KIAA0513: variants seen among roughly 807,000 people sequenced by gnomAD.
The protein encoded by KIAA0513 is KIAA0513.
In KIAA0513, 39 loss-of-function variants were observed where a neutral mutation model predicts 56.5. That is an observed-to-expected ratio of 0.69 (90% CI 0.53 to 0.90). KIAA0513 has a LOEUF of 0.90. KIAA0513 is among the 40% of genes least tolerant of loss of function. The pLI is 0.00. For synonymous variants in KIAA0513, 268 were observed against 215.6 expected (o/e 1.24, Z -2.13); for missense variants, 591 against 535.2 (o/e 1.10, Z -1.03).
intron 4 of KIAA0513, among the ~76,000 whole-genome samples, chr16:85,074,749 A>T (rs1283534422): frequency 2.0e-5 from 3 of 152,216 alleles, no homozygotes; most frequent in African/African-American, 7.2e-5. Flanking sequence ...CAGGCCCTCC[A>T]GATTGCCTTT....
chr16:85,047,498 G>A (rs747039400), intron 1 of KIAA0513, among the ~76,000 whole-genome samples: 6 of 152,132 alleles, frequency 3.9e-5, no homozygotes, highest in African/African-American at 7.2e-5. Flanking sequence ...AAGAGGACAC[G>A]GAGAAAAAAA....
intron 1 of KIAA0513, among the ~76,000 whole-genome samples, chr16:85,060,567 G>C (rs973557245): frequency 6.6e-6 from 1 of 152,184 alleles, no homozygotes; most frequent in Non-Finnish European, 1.5e-5. Flanking sequence ...GGCCAGGCAC[G>C]GCGGCTCACG....
chr16:85,035,753 C>T (rs1332581603), intron 1 of KIAA0513, among the ~76,000 whole-genome samples: 3 of 151,996 alleles, frequency 2.0e-5, no homozygotes, highest in Admixed American at 6.5e-5. Flanking sequence ...CTGAGGCGGG[C>T]GGATCATGAG....
chr16:85,042,205 C>G (rs991416963), intron 1 of KIAA0513, among the ~76,000 whole-genome samples: 2 of 152,210 alleles, frequency 1.3e-5, no homozygotes, highest in Non-Finnish European at 2.9e-5. Flanking sequence ...GTGAAAAGTG[C>G]TAAGCCCTCC....
In KIAA0513 at chr16:85,088,269, C is replaced by T. The variant is rs987862827; in HGVS notation, c.1187-7C>T. 2 of 1,612,180 alleles carry T rather than the reference C, an allele frequency of 1.2e-6. No individual in the cohort carries two copies. Among genetic ancestry groups the T allele is most frequent in the Non-Finnish European group, 1.7e-6 (2 of 1,179,468 alleles). ...CATCTGAGAAATAACATCACTTTCT[C>T]TTCCAGAGCAATACAAGCTGCTTAG... On this transcript the variant is annotated splice_polypyrimidine_tract_variant and splice_region_variant and intron_variant, in intron 12 of 12. Coordinates refer to ENST00000683363, the MANE Select transcript of KIAA0513 (RefSeq NM_001388359.1).
chr16:85,033,153 T>C (rs2072989331), intron 1 of KIAA0513, among the ~76,000 whole-genome samples: 1 of 152,184 alleles, frequency 6.6e-6, no homozygotes. Flanking sequence ...TCATGATCCT[T>C]ATGATTTGCG....
chr16:85,059,172 G>C (rs368494765), intron 1 of KIAA0513, among the ~76,000 whole-genome samples: 3 of 152,202 alleles, frequency 2.0e-5, no homozygotes, highest in Admixed American at 6.5e-5. Flanking sequence ...TTTTGGCTCA[G>C]ATAGGGTGTC....
intron 1 of KIAA0513, among the ~76,000 whole-genome samples, chr16:85,029,322 G>A (rs1009001296): frequency 6.6e-6 from 1 of 152,150 alleles, no homozygotes; most frequent in Non-Finnish European, 1.5e-5. Flanking sequence ...GACGTTTCTG[G>A]CCCTGTTTGC....
intron 10 of KIAA0513, among the ~76,000 whole-genome samples, chr16:85,082,818 C>G (rs2073762455): frequency 6.6e-6 from 1 of 152,214 alleles, no homozygotes; most frequent in African/African-American, 2.4e-5. Flanking sequence ...CTGCCAAGGC[C>G]GGAGCACTCC....
intron 10 of KIAA0513, among the ~76,000 whole-genome samples, chr16:85,083,847 T>G (rs971071875): frequency 5.3e-5 from 8 of 152,208 alleles, no homozygotes; most frequent in African/African-American, 1.9e-4. Flanking sequence ...GCTTCCAACA[T>G]GCCATCTCTT....
At chr16:85,067,953 A>G (rs897014610) in intron 2 of KIAA0513, among the ~76,000 whole-genome samples, 5 of 147,636 alleles carry the variant, frequency 3.4e-5, no homozygotes, top group African/African-American at 1.3e-4. Context: ...TGGGACTATA[A>G]GCACCCACCA....
intron 1 of KIAA0513, among the ~76,000 whole-genome samples, chr16:85,056,457 T>A (rs1406327695): frequency 6.6e-6 from 1 of 152,124 alleles, no homozygotes. Context: ...CAGGGCAGCT[T>A]CACAGCCCAC....
At chr16:85,065,858 A>G (rs2073473588) in intron 1 of KIAA0513, among the ~76,000 whole-genome samples, 1 of 152,156 alleles carries the variant, frequency 6.6e-6, no homozygotes, top group Non-Finnish European at 1.5e-5. Context: ...CTGGGTTAGA[A>G]GCGAAGATTC....
intron 11 of KIAA0513, 43 bp from the exon 12 acceptor site, chr16:85,087,029 C>T (rs772824825): frequency 1.3e-6 from 2 of 1,587,962 alleles, no homozygotes; most frequent in African/African-American, 2.7e-5. Context: ...GGCCCTTTCC[C>T]CTGGGAGGCC....
chr16:85,072,433 C>T (rs2144040926), intron 3 of KIAA0513, among the ~76,000 whole-genome samples: 1 of 150,220 alleles, frequency 6.7e-6, no homozygotes, highest in East Asian at 1.9e-4. Flanking sequence ...AATATATTAA[C>T]AAAGTTTAGA....
Position 85,065,996 on chromosome 16 carries a change from G to A in KIAA0513, c.-172-904G>A, listed in dbSNP as rs79506351. On this transcript the variant is annotated intron_variant, in intron 1 of 12. Coordinates refer to ENST00000683363, the MANE Select transcript of KIAA0513 (RefSeq NM_001388359.1). ...CACATGCACGTAGTCAGGAGTCCTC[G>A]CTGGGCACAGCATGGCTACGGTGGT... 1.3e-3 allele frequency among the ~76,000 whole-genome samples: 195 copies of A among 152,322 alleles called. 6 individuals carry two copies. The East Asian group carries it at 0.031, about 24-fold the overall frequency.
chr16:85,054,330 C>G (rs1339113389), intron 1 of KIAA0513, among the ~76,000 whole-genome samples: 1 of 151,764 alleles, frequency 6.6e-6, no homozygotes, highest in Non-Finnish European at 1.5e-5. Context: ...GGTTAAAATA[C>G]TTCGAAAGCT....
chr16:85,033,671 G>A, intron 1 of KIAA0513, among the ~76,000 whole-genome samples: 1 of 151,842 alleles, frequency 6.6e-6, no homozygotes, highest in Non-Finnish European at 1.5e-5. Flanking sequence ...GGGGGTGGGG[G>A]CAGGGATGGG....
intron 1 of KIAA0513, among the ~76,000 whole-genome samples, chr16:85,060,836 C>G (rs2073393496): frequency 6.9e-6 from 1 of 144,322 alleles, no homozygotes; most frequent in African/African-American, 2.7e-5. Flanking sequence ...AGAGCGTGAA[C>G]CTATCTAAAA....
Sources: gnomAD v4.1 joint callset for allele counts (sites outside exome capture counted in the v4.1 genomes callset) on GRCh38, gnomAD v4.1.1 for gene constraint, MANE v1.5 for transcripts, NCBI Gene and HGNC (gene_info 2026-07-23, HGNC 2026-07-21) for gene names.